Variants in LDB2 observed in about 807,000 individuals in gnomAD.
LDB2 encodes the protein LIM domain-binding protein 2.
A neutral mutation model predicts 44.3 loss-of-function variants in LDB2; 12 were observed. That is an observed-to-expected ratio of 0.27 (90% CI 0.17 to 0.44). LDB2 has a LOEUF of 0.44. LDB2 is among the 20% of genes least tolerant of loss of function. The pLI is 1.00. For missense variants in LDB2, 344 were observed against 473.5 expected (o/e 0.73, Z 2.54); for synonymous variants, 164 against 174.8 (o/e 0.94, Z 0.49).
At chr4:16,534,521 G>T (rs914880202) in intron 5 of LDB2, among the ~76,000 whole-genome samples, 2 of 152,196 alleles carry the variant, frequency 1.3e-5, no homozygotes, top group East Asian at 3.9e-4. Context: ...TCTGAGTAAT[G>T]AAAAAATGTA....
rs533195775 is a variant in LDB2, at chr4:16,673,543, T to G, written c.236-77668A>C. 6.6e-5 allele frequency among the ~76,000 whole-genome samples: 10 copies of G among 152,354 alleles called. No individual in the cohort carries two copies. In the East Asian group the frequency reaches 1.7e-3, roughly 26 times the overall value. Reference sequence around the variant, plus strand: ...ACACATTTTCGCTAGCTCTGAAAATTGTTCCATCAGATTTGAGGAACTGTC... The same window carrying G: ...ACACATTTTCGCTAGCTCTGAAAATGGTTCCATCAGATTTGAGGAACTGTC... On this transcript the variant is annotated intron_variant, in intron 2 of 7. Coordinates refer to ENST00000304523, the MANE Select transcript of LDB2 (RefSeq NM_001290.5).
chr4:16,845,307 A>C (rs1786750565), intron 1 of LDB2, among the ~76,000 whole-genome samples: 1 of 152,170 alleles, frequency 6.6e-6, no homozygotes, highest in African/African-American at 2.4e-5. Context: ...AATGCATGTC[A>C]TCGAGATCTC....
At chr4:16,830,365 C>T (rs751692380) in intron 1 of LDB2, among the ~76,000 whole-genome samples, 10 of 152,142 alleles carry the variant, frequency 6.6e-5, no homozygotes, top group Admixed American at 2.6e-4. Context: ...CTCCTTCTGC[C>T]TTGTGAAGAA....
At chr4:16,841,401 T>C (rs917399250) in intron 1 of LDB2, among the ~76,000 whole-genome samples, 3 of 152,256 alleles carry the variant, frequency 2.0e-5, no homozygotes, top group East Asian at 3.8e-4. Context: ...TGACATGGTT[T>C]ATTCAACATT....
chr4:16,771,771 C>G (rs771200260), intron 1 of LDB2, among the ~76,000 whole-genome samples: 6 of 152,168 alleles, frequency 3.9e-5, no homozygotes, highest in Non-Finnish European at 7.3e-5. Context: ...CTCTGTGCCT[C>G]CAGTAACTTC....
At chr4:16,561,227 G>T (rs1742086572) in intron 5 of LDB2, among the ~76,000 whole-genome samples, 1 of 152,088 alleles carries the variant, frequency 6.6e-6, no homozygotes, top group African/African-American at 2.4e-5. Context: ...GGGCAATTAG[G>T]CAGGAGAAGG....
intron 2 of LDB2, among the ~76,000 whole-genome samples, chr4:16,716,341 G>A (rs283039): frequency 0.7 from 105,871 of 152,052 alleles, 37,026 homozygotes; most frequent in East Asian, 0.86. Flanking sequence ...CTCAAAGCCC[G>A]CATTCACGGA....
At chr4:16,807,821 CT>C (rs1307197320) in intron 1 of LDB2, among the ~76,000 whole-genome samples, 3 of 152,202 alleles carry the variant, frequency 2.0e-5, no homozygotes, top group Non-Finnish European at 2.9e-5. Context: ...ATTCATTCCT[CT>C]TCCAGCCTTG....
intron 2 of LDB2, among the ~76,000 whole-genome samples, chr4:16,715,677 A>G (rs1423900207): frequency 6.6e-6 from 1 of 152,162 alleles, no homozygotes; most frequent in Non-Finnish European, 1.5e-5. Context: ...GATTCCAGCC[A>G]TCTGCTTGTG....
chr4:16,503,389 C>A (rs1718072971), intron 7 of LDB2, among the ~76,000 whole-genome samples: 1 of 152,194 alleles, frequency 6.6e-6, no homozygotes, highest in South Asian at 2.1e-4. Context: ...GGATGATATA[C>A]ATTTTAATTG....
intron 2 of LDB2, among the ~76,000 whole-genome samples, chr4:16,630,042 A>AT (rs1241419127): frequency 2.0e-5 from 3 of 152,240 alleles, no homozygotes. Flanking sequence ...GAACTTCTCC[A>AT]ACCTAGCAAG....
intron 1 of LDB2, among the ~76,000 whole-genome samples, chr4:16,767,513 G>A (rs981083777): frequency 1.2e-4 from 18 of 152,072 alleles, no homozygotes; most frequent in African/African-American, 3.4e-4. Context: ...TCTGGGACAC[G>A]TGTTTTCCCA....
chr4:16,892,651 G>A (rs960420655), intron 1 of LDB2, among the ~76,000 whole-genome samples: 1 of 152,114 alleles, frequency 6.6e-6, no homozygotes, highest in Non-Finnish European at 1.5e-5. Flanking sequence ...TTGGATGTTT[G>A]GGGTTGTTTT....
Position 16,548,974 on chromosome 4 carries a change from A to G in LDB2, c.616-36870T>C, listed in dbSNP as rs538467759. On this transcript the variant is annotated intron_variant, in intron 5 of 7. Transcript: ENST00000304523. The stretch of plus-strand genomic sequence containing the variant: ...TATGCCTGGAAGCAAATGAAAATAT[A>G]GAAGCATGGCGTCTTATATGATTAG... Among the ~76,000 whole-genome samples the G allele has an allele frequency of 3.9e-5, 6 of 152,370 alleles. No homozygotes were observed. The East Asian group carries it at 1.2e-3, about 29-fold the overall frequency.
chr4:16,531,421 C>T (rs759884837), intron 5 of LDB2, among the ~76,000 whole-genome samples: 1 of 152,248 alleles, frequency 6.6e-6, no homozygotes. Context: ...AATGACATTT[C>T]CTTCCTCTTA....
intron 1 of LDB2, among the ~76,000 whole-genome samples, chr4:16,824,431 T>C (rs1782678624): frequency 6.6e-6 from 1 of 152,204 alleles, no homozygotes; most frequent in Non-Finnish European, 1.5e-5. Flanking sequence ...CGAATGCTTG[T>C]ACAACCCAGT....
chr4:16,582,544 T>C lies in LDB2; in HGVS notation c.615+3378A>G, dbSNP rs1418259729. Reference sequence around the variant, plus strand: ...CTTACTGAAAGGTGCCATCTCCCCATGTCATGGAACAGTTTTCCCCAGAAC... The same window carrying C: ...CTTACTGAAAGGTGCCATCTCCCCACGTCATGGAACAGTTTTCCCCAGAAC... On this transcript the variant is annotated intron_variant, in intron 5 of 7. Transcript: ENST00000304523. This position sits in a 1 kb window ranked among gnomAD's most constrained non-coding sequence, Gnocchi z 4.8. Among the ~76,000 whole-genome samples, 1 of 152,168 alleles carries C rather than the reference T, an allele frequency of 6.6e-6. No homozygotes were observed. Among genetic ancestry groups the C allele is most frequent in the South Asian group, 2.1e-4 (1 of 4,822 alleles).
At chr4:16,621,328 G>A (rs117586853) in intron 2 of LDB2, among the ~76,000 whole-genome samples, 8 of 152,286 alleles carry the variant, frequency 5.3e-5, no homozygotes, top group East Asian at 1.9e-4. Context: ...CTCTGCCTTA[G>A]ACTCTGTCTT....
At chr4:16,768,703 T>C (rs1051470969) in intron 1 of LDB2, among the ~76,000 whole-genome samples, 7 of 152,302 alleles carry the variant, frequency 4.6e-5, no homozygotes, top group African/African-American at 1.7e-4. Flanking sequence ...CAAGGGTCTA[T>C]CTCGAACCAT....
Sources: allele counts gnomAD v4.1 joint callset (sites outside exome capture counted in the v4.1 genomes callset), GRCh38; gene constraint gnomAD v4.1.1; non-coding constraint Gnocchi (gnomAD v3.1); transcripts MANE v1.5; gene names NCBI Gene and HGNC (gene_info 2026-07-23, HGNC 2026-07-21).